The following AGBL1 variants were observed in gnomAD, a reference collection of about 807,000 sequenced individuals.
AGBL1 encodes cytosolic carboxypeptidase 4.
Under a neutral mutation model 118.9 loss-of-function variants are expected in AGBL1, and 130 were observed. That is an observed-to-expected ratio of 1.09 (90% CI 0.95 to 1.26). AGBL1 has a LOEUF of 1.26. AGBL1 is among the 50% of genes most tolerant of loss of function. The pLI is 0.00. For synonymous variants in AGBL1, 555 were observed against 478.9 expected (o/e 1.16, Z -2.08); for missense variants, 1,584 against 1,298.1 (o/e 1.22, Z -3.38).
chr15:86,511,141 A>G (rs2083048101), intron 18 of AGBL1, among the ~76,000 whole-genome samples: 1 of 152,114 alleles, frequency 6.6e-6, no homozygotes, highest in Non-Finnish European at 1.5e-5. Flanking sequence ...TCTTTTGAAT[A>G]TAATTTTGTA....
intron 22 of AGBL1, among the ~76,000 whole-genome samples, chr15:86,749,906 G>A (rs867185366): frequency 3.0e-4 from 45 of 152,174 alleles, no homozygotes; most frequent in African/African-American, 8.4e-4. Flanking sequence ...GCTGGATTCC[G>A]TTTGCCAGTA....
chr15:86,616,346 A>AT (rs1555430790), intron 21 of AGBL1, among the ~76,000 whole-genome samples: 7,366 of 58,924 alleles, frequency 0.13, 348 homozygotes, highest in East Asian at 0.28. Context: ...CTTCAAAAAA[A>AT]AAAAAAAAAA....
chr15:86,097,778 A>G (rs1896472586), intron 1 of AGBL1, among the ~76,000 whole-genome samples: 1 of 152,184 alleles, frequency 6.6e-6, no homozygotes, highest in Non-Finnish European at 1.5e-5. Flanking sequence ...GTGAATAAAC[A>G]TGGGGATGCA....
chr15:86,232,848 T>C (rs1404076658), intron 6 of AGBL1, among the ~76,000 whole-genome samples: 1 of 152,152 alleles, frequency 6.6e-6, no homozygotes, highest in Non-Finnish European at 1.5e-5. Context: ...CGTGTCATAG[T>C]ATATTTTGTG....
chr15:86,806,457 G>T (rs1022239562), intron 22 of AGBL1, among the ~76,000 whole-genome samples: 1 of 152,158 alleles, frequency 6.6e-6, no homozygotes, highest in African/African-American at 2.4e-5. Context: ...TGTGTTCTGG[G>T]CCTGGAAATC....
intron 22 of AGBL1, among the ~76,000 whole-genome samples, chr15:86,725,933 T>C (rs1467626656): frequency 6.6e-6 from 1 of 152,166 alleles, no homozygotes; most frequent in Non-Finnish European, 1.5e-5. Context: ...CAGAGCCATA[T>C]CTTATTCATC....
chr15:86,638,634 GA>G (rs1276400809), intron 21 of AGBL1, among the ~76,000 whole-genome samples: 4 of 152,254 alleles, frequency 2.6e-5, no homozygotes, highest in South Asian at 4.2e-4. Flanking sequence ...TAAGTAATCC[GA>G]ATAGAGAGCT....
At chr15:86,759,052 A>C (rs116264498) in intron 22 of AGBL1, among the ~76,000 whole-genome samples, 75 of 152,044 alleles carry the variant, frequency 4.9e-4, no homozygotes, top group African/African-American at 1.8e-3. Context: ...TACTTGATAT[A>C]GATTTCTTTG....
intron 1 of AGBL1, among the ~76,000 whole-genome samples, chr15:86,119,685 G>A (rs917733446): frequency 7.0e-6 from 1 of 143,824 alleles, no homozygotes; most frequent in African/African-American, 2.6e-5. Flanking sequence ...GTGTGTGTGT[G>A]TGTATGTATT....
chr15:86,626,207 C>T (rs531695012), intron 21 of AGBL1, among the ~76,000 whole-genome samples: 7 of 152,212 alleles, frequency 4.6e-5, no homozygotes, highest in East Asian at 1.9e-4. Context: ...CACATGCATA[C>T]GTGTGTTCAT....
chr15:86,614,604 G>T (rs991668605), intron 21 of AGBL1, among the ~76,000 whole-genome samples: 1 of 152,172 alleles, frequency 6.6e-6, no homozygotes, highest in African/African-American at 2.4e-5. Flanking sequence ...GTCATGGCCA[G>T]TTTGAAGCTA....
At chr15:86,741,644 C>T (rs964422114) in intron 22 of AGBL1, among the ~76,000 whole-genome samples, 1 of 151,976 alleles carries the variant, frequency 6.6e-6, no homozygotes, top group African/African-American at 2.4e-5. Context: ...GAAAGGAACT[C>T]TATACACTGT....
At chr15:86,952,078 A>G (rs2080885732) in intron 23 of AGBL1, among the ~76,000 whole-genome samples, 1 of 152,066 alleles carries the variant, frequency 6.6e-6, no homozygotes, top group Admixed American at 6.6e-5. Context: ...TAAAAATACA[A>G]AAATTAGTTG....
At chr15:87,023,099 T>C (rs1228859916) in intron 24 of AGBL1, among the ~76,000 whole-genome samples, 9 of 151,912 alleles carry the variant, frequency 5.9e-5, no homozygotes, top group Admixed American at 5.9e-4. Context: ...AGGCAACAAA[T>C]AGCATGATGA....
At chr15:86,629,125 A>C (rs2084929501) in intron 21 of AGBL1, among the ~76,000 whole-genome samples, 1 of 152,104 alleles carries the variant, frequency 6.6e-6, no homozygotes, top group African/African-American at 2.4e-5. Flanking sequence ...CAGCTGACTA[A>C]CATCTTCCCA....
chr15:86,200,581 C>G (rs1237370470), intron 5 of AGBL1, among the ~76,000 whole-genome samples: 4 of 109,478 alleles, frequency 3.7e-5, no homozygotes, highest in Non-Finnish European at 7.0e-5. Context: ...TTGCTCCCAT[C>G]ATGGTGTTGT....
chr15:86,187,296 T>G (rs2141817709), intron 5 of AGBL1, among the ~76,000 whole-genome samples: 1 of 152,346 alleles, frequency 6.6e-6, no homozygotes, highest in South Asian at 2.1e-4. Context: ...AAATGAATTC[T>G]AATGAAATTC....
chr15:86,751,907 C>T (rs964059654), intron 22 of AGBL1, among the ~76,000 whole-genome samples: 1 of 152,004 alleles, frequency 6.6e-6, no homozygotes, highest in African/African-American at 2.4e-5. Flanking sequence ...ATCACAGGTC[C>T]CAGAATTTTA....
chr15:86,357,544 G>A (rs12148784), intron 17 of AGBL1, among the ~76,000 whole-genome samples: 27,713 of 151,736 alleles, frequency 0.18, 2,678 homozygotes, highest in South Asian at 0.21. Flanking sequence ...TTCTATGTAG[G>A]GTAAAAAAGG....
Sources: gnomAD v4.1 joint callset for allele counts (sites outside exome capture counted in the v4.1 genomes callset) on GRCh38, gnomAD v4.1.1 for gene constraint, MANE v1.5 for transcripts, NCBI Gene and HGNC (gene_info 2026-07-23, HGNC 2026-07-21) for gene names.